The following ZNF469 variants were observed in gnomAD, a reference collection of about 807,000 sequenced individuals.
The protein encoded by ZNF469 is zinc finger protein 469.
ZNF469 carries 1 observed loss-of-function variant against 1.0 expected under a neutral mutation model. The ratio of observed to expected loss-of-function variants is 1.00; its 90% CI spans 0.35 to 4.73. The LOEUF (loss-of-function observed/expected upper bound fraction) is 4.73, where lower values mean the gene tolerates loss of function less well. Among genes scored for constraint, ZNF469 ranks in the 30% most tolerant of loss-of-function variants. The probability of loss-of-function intolerance (pLI) is 0.16; values close to 1 mark genes in which losing one functional copy is unlikely to be tolerated. For synonymous variants in ZNF469, 2,703 were observed against 2,363.4 expected (o/e 1.14, Z -4.17); for missense variants, 6,100 against 5,356.3 (o/e 1.14, Z -4.33).
the ZNF469 span, among the ~76,000 whole-genome samples, chr16:88,108,133 CTGTGGGGA>C: frequency 9.3e-6 from 1 of 107,764 alleles, no homozygotes; most frequent in African/African-American, 3.8e-5. Context: ...AGGTGCACGT[CTGTGGGGA>C]TGTGGGGATG....
At chr16:88,371,693 G>T in the ZNF469 span, among the ~76,000 whole-genome samples, 58 of 152,266 alleles carry the variant, frequency 3.8e-4, no homozygotes, top group Non-Finnish European at 7.2e-4. Flanking sequence ...TGTAACCATT[G>T]AGCAAACCTA....
the ZNF469 span, among the ~76,000 whole-genome samples, chr16:88,352,891 G>A: frequency 7.9e-5 from 12 of 152,206 alleles, no homozygotes; most frequent in Non-Finnish European, 8.8e-5. Context: ...CGAGTGAGAC[G>A]GCTCCTCCTG....
chr16:88,101,666 C>T, the ZNF469 span, among the ~76,000 whole-genome samples: 6 of 152,002 alleles, frequency 3.9e-5, no homozygotes, highest in African/African-American at 1.2e-4. Context: ...AGGCAGGCAC[C>T]GTCAATAACA....
the ZNF469 span, among the ~76,000 whole-genome samples, chr16:88,295,698 C>T: frequency 5.3e-5 from 8 of 152,158 alleles, no homozygotes; most frequent in Non-Finnish European, 1.0e-4. Flanking sequence ...GCCAGGCCCC[C>T]GGGAGATGCT....
chr16:88,276,768 C>T, the ZNF469 span, among the ~76,000 whole-genome samples: 4 of 151,986 alleles, frequency 2.6e-5, no homozygotes, highest in East Asian at 1.9e-4. Context: ...ATTAGTGCCA[C>T]CCTACGCTGA....
At chr16:88,280,294 C>G in the ZNF469 span, among the ~76,000 whole-genome samples, 25 of 151,826 alleles carry the variant, frequency 1.6e-4, no homozygotes, top group Admixed American at 1.6e-3. Flanking sequence ...GCCACAGTGA[C>G]AGTCAGTATC....
At chr16:88,126,419 C>G in the ZNF469 span, among the ~76,000 whole-genome samples, 3 of 151,260 alleles carry the variant, frequency 2.0e-5, no homozygotes, top group East Asian at 3.9e-4. Flanking sequence ...GATGTTAGCT[C>G]TAGACTTTAC....
At chr16:88,230,924 G>C in the ZNF469 span, among the ~76,000 whole-genome samples, 19 of 152,206 alleles carry the variant, frequency 1.2e-4, no homozygotes, top group African/African-American at 4.6e-4. Flanking sequence ...GGGACGGTGA[G>C]TGCCAGGTGC....
Position 88,428,435 on chromosome 16 carries a change from C to T in ZNF469, c.965C>T (p.Pro322Leu), listed in dbSNP as rs1440266497. 1 of 1,548,198 alleles carries T rather than the reference C, an allele frequency of 6.5e-7. No individual in the cohort carries two copies. Among genetic ancestry groups the T allele is most frequent in the East Asian group, 2.4e-5 (1 of 40,902 alleles). ...CCGGAGGAGGCCGTGGGCACGGGCC[C>T]TGCCTACCCGCTGCCCACCCAGCCT... ...AWPEEAVGTG[P>L]AYPLPTQPAP... is the part of the protein sequence containing the mutation. The change falls in exon 3 of 3, where the codon CCT becomes CTT. Residue 322 changes from proline (P) to leucine (L), a missense_variant. Transcript: ENST00000565624.
chr16:88,167,363 G>A, the ZNF469 span, among the ~76,000 whole-genome samples: 21 of 152,154 alleles, frequency 1.4e-4, no homozygotes, highest in African/African-American at 4.8e-4. Context: ...TGCCCCGCTC[G>A]CAGATTTGTT....
the ZNF469 span, among the ~76,000 whole-genome samples, chr16:88,131,039 G>A: frequency 5.9e-5 from 9 of 152,224 alleles, no homozygotes; most frequent in Non-Finnish European, 1.0e-4. Flanking sequence ...CGGGCAGCGC[G>A]GCGTTCGCCT....
At chr16:88,294,431 T>C in the ZNF469 span, among the ~76,000 whole-genome samples, 3 of 152,310 alleles carry the variant, frequency 2.0e-5, no homozygotes, top group East Asian at 1.9e-4. Flanking sequence ...TTCCACATCA[T>C]TGTGCAAACT....
At chr16:88,422,165 T>TGGATGGGCAGGA (rs1320242539) in intron 1 of ZNF469, among the ~76,000 whole-genome samples, 4 of 142,288 alleles carry the variant, frequency 2.8e-5, no homozygotes, top group Admixed American at 2.1e-4. Flanking sequence ...GATGGGCAGG[T>TGGATGGGCAGGA]GGATGGGCAG....
chr16:88,312,941 C>A, the ZNF469 span, among the ~76,000 whole-genome samples: 1 of 152,136 alleles, frequency 6.6e-6, no homozygotes, highest in Non-Finnish European at 1.5e-5. Flanking sequence ...TCCATATGAA[C>A]TTTAGACTCA....
chr16:88,433,194 A>G lies in ZNF469; in HGVS notation c.5724A>G (p.Pro1908=). 1.9e-6 allele frequency: 3 copies of G among 1,550,312 alleles called. No individual in the cohort carries two copies. The highest frequency in any genetic ancestry group is 2.6e-6 in the Non-Finnish European group (3 of 1,146,936). ...CCCCCATACGTCAGCTCCAGCTCCC[A>G]GGGCCTGGAGTGGCTAAGAGTAAAG... is the stretch of plus-strand genomic sequence containing the variant. ...LSPPIRQLQL[P]GPGVAKSKDG... The change falls in exon 3 of 3, where the codon CCA becomes CCG. Residue 1908 remains proline, a synonymous_variant. Coordinates refer to ENST00000565624, the MANE Select transcript of ZNF469 (RefSeq NM_001367624.2).
At chr16:88,113,974 C>T in the ZNF469 span, among the ~76,000 whole-genome samples, 18 of 152,240 alleles carry the variant, frequency 1.2e-4, no homozygotes, top group Non-Finnish European at 2.1e-4. Context: ...GTGGGCCGTG[C>T]GATGGGAGGT....
chr16:88,203,175 C>T, the ZNF469 span, among the ~76,000 whole-genome samples: 1 of 152,128 alleles, frequency 6.6e-6, no homozygotes, highest in African/African-American at 2.4e-5. Flanking sequence ...CCGGAGCATC[C>T]TCGAGTTGCC....
At chr16:88,125,151 T>C in the ZNF469 span, among the ~76,000 whole-genome samples, 3 of 152,212 alleles carry the variant, frequency 2.0e-5, no homozygotes, top group Non-Finnish European at 2.9e-5. Context: ...CCTCACAGAA[T>C]TGCTTTAGCA....
At chr16:88,123,628 C>T in the ZNF469 span, among the ~76,000 whole-genome samples, 2 of 152,068 alleles carry the variant, frequency 1.3e-5, no homozygotes, top group Non-Finnish European at 2.9e-5. Context: ...ACTTTATCAG[C>T]AGCGCCAAAC....
Sources: gnomAD v4.1 joint callset for allele counts (sites outside exome capture counted in the v4.1 genomes callset) on GRCh38, gnomAD v4.1.1 for gene constraint, MANE v1.5 for transcripts, NCBI Gene and HGNC (gene_info 2026-07-23, HGNC 2026-07-21) for gene names.